Variants in TBC1D31 observed in about 807,000 individuals in gnomAD.
TBC1D31 encodes WD repeat domain 67.
Under a neutral mutation model 132.9 loss-of-function variants are expected in TBC1D31, and 99 were observed. The observed-to-expected ratio is 0.74, with a 90% confidence interval of 0.63 to 0.88. The LOEUF (loss-of-function observed/expected upper bound fraction) is 0.88. Ranked by LOEUF, TBC1D31 falls within the 40% of genes least tolerant of loss-of-function variation. The pLI, the probability that TBC1D31 is intolerant of heterozygous loss-of-function variation, is 0.00. For synonymous variants in TBC1D31, 385 were observed against 419.4 expected, an observed-to-expected ratio of 0.92 and a Z score of 1.00; for missense variants, 1,134 against 1,256.6, an observed-to-expected ratio of 0.90 and a Z score of 1.48.
chr8:123,136,113 C>T lies in TBC1D31; in HGVS notation c.2499+1907C>T, dbSNP rs569398765. ...ATATTTCCTAAGACTAAGGAATCCT[C>T]TTATATAACCACCGTACAGTTCTCA... On this transcript the variant is annotated intron_variant, in intron 17 of 21. Transcript: ENST00000287380. 9.9e-5 allele frequency among the ~76,000 whole-genome samples: 15 copies of T among 152,266 alleles called. No individual in the cohort carries two copies. The South Asian group carries it at 2.7e-3, about 27-fold the overall frequency.
chr8:123,099,061 C>A (rs1174717943), intron 6 of TBC1D31, among the ~76,000 whole-genome samples: 1 of 152,208 alleles, frequency 6.6e-6, no homozygotes, highest in Non-Finnish European at 1.5e-5. Flanking sequence ...TTAGACAAGG[C>A]AGCATGGGGG....
At chr8:123,110,181 A>T (rs755309249) in intron 10 of TBC1D31, among the ~76,000 whole-genome samples, 1 of 152,216 alleles carries the variant, frequency 6.6e-6, no homozygotes, top group African/African-American at 2.4e-5. Context: ...CCACTTAATG[A>T]TTGTGATGTA....
intron 11 of TBC1D31, chr8:123,123,109 G>A (rs1268430854): frequency 6.6e-6 from 1 of 152,180 alleles, no homozygotes; most frequent in African/African-American, 2.4e-5. Context: ...CTAAACACTG[G>A]CAAGGCAATT....
intron 8 of TBC1D31, among the ~76,000 whole-genome samples, chr8:123,107,444 C>T (rs564830345): frequency 5.7e-4 from 86 of 152,168 alleles, no homozygotes; most frequent in Non-Finnish European, 1.0e-3. Context: ...AGTTTTATAA[C>T]TTCTTCATGT....
chr8:123,157,317 T>A, the TBC1D31 span, among the ~76,000 whole-genome samples: 2 of 152,124 alleles, frequency 1.3e-5, no homozygotes, highest in Non-Finnish European at 2.9e-5. Context: ...AGTAAGGGTT[T>A]CCGGACGGAT....
At chr8:123,151,040 T>C (rs1033246800) in intron 21 of TBC1D31, among the ~76,000 whole-genome samples, 2 of 152,232 alleles carry the variant, frequency 1.3e-5, no homozygotes, top group Admixed American at 6.5e-5. Flanking sequence ...TATGCATCTA[T>C]AAATTCTGTG....
chr8:123,098,737 C>T (rs139137448), intron 6 of TBC1D31, among the ~76,000 whole-genome samples: 240 of 152,296 alleles, frequency 1.6e-3, no homozygotes, highest in African/African-American at 5.2e-3. Context: ...AAATAATGCT[C>T]ACTGAATGAC....
chr8:123,093,064 G>A (rs562798108), intron 4 of TBC1D31, among the ~76,000 whole-genome samples: 3 of 151,998 alleles, frequency 2.0e-5, no homozygotes, highest in Non-Finnish European at 4.4e-5. Context: ...CACCCGCCTT[G>A]GCCTCCCAAA....
chr8:123,163,261 C>G, the TBC1D31 span, among the ~76,000 whole-genome samples: 4 of 151,538 alleles, frequency 2.6e-5, no homozygotes, highest in Non-Finnish European at 2.9e-5. Flanking sequence ...AATTCACATA[C>G]CATATAATTC....
At chr8:123,161,159 C>T in the TBC1D31 span, among the ~76,000 whole-genome samples, 43 of 152,326 alleles carry the variant, frequency 2.8e-4, 1 homozygote, top group African/African-American at 1.0e-3. Flanking sequence ...TGCGCCGGGG[C>T]TCCCCGACCA....
intron 13 of TBC1D31, among the ~76,000 whole-genome samples, chr8:123,127,238 A>C (rs1371397761): frequency 6.9e-6 from 1 of 145,948 alleles, no homozygotes; most frequent in African/African-American, 2.6e-5. Context: ...AATCATGATA[A>C]TATTGGGGTT....
intron 8 of TBC1D31, 25 bp from the exon 9 acceptor site, chr8:123,109,292 A>G: frequency 1.3e-6 from 2 of 1,494,306 alleles, no homozygotes; most frequent in Non-Finnish European, 1.8e-6. Context: ...TGTGTCATTT[A>G]TTAATATTGT....
At position 123,109,579 on chromosome 8, in the gene TBC1D31, A is replaced by C. The variant is rs746947181; in HGVS notation, c.1395A>C (p.Lys465Asn). 6.2e-7 allele frequency: 1 copy of C among 1,613,920 alleles called. No homozygotes were observed. The highest frequency in any genetic ancestry group is 8.5e-7 in the Non-Finnish European group (1 of 1,179,948). Residue 465 changes from lysine to asparagine, a missense_variant, in exon 10 of 22, where the codon AAA becomes AAC. Coordinates refer to ENST00000287380, the MANE Select transcript of TBC1D31 (RefSeq NM_145647.4). ...THVAFLNLQK[K>N]YPIKSRKLLR... ...TGGCATTTCTCAACCTTCAGAAGAA[A>C]TACCCCATCAAAAGTAGGAAGCTAC...
chr8:123,132,119 C>G (rs1820685671), intron 16 of TBC1D31, among the ~76,000 whole-genome samples: 1 of 152,142 alleles, frequency 6.6e-6, no homozygotes, highest in Non-Finnish European at 1.5e-5. Context: ...GATCTCCTTC[C>G]TCGCTTTTTC....
At chr8:123,081,944 C>T (rs34298641) in intron 2 of TBC1D31, among the ~76,000 whole-genome samples, 8,806 of 152,204 alleles carry the variant, frequency 0.058, 280 homozygotes, top group Middle Eastern at 0.092. Context: ...AGAGCCAAAG[C>T]GTATCATATA....
chr8:123,160,697 TA>T, the TBC1D31 span, among the ~76,000 whole-genome samples: 3 of 152,090 alleles, frequency 2.0e-5, no homozygotes, highest in Non-Finnish European at 4.4e-5. Context: ...CACTAGCCGG[TA>T]CAGGGTACCA....
chr8:123,151,937 T>G lies in TBC1D31; in HGVS notation c.3199T>G (p.Ter1067GluextTer22), dbSNP rs1822817686. The change falls in exon 22 of 22, where the codon TAG (stop) becomes GAG (glutamate). Residue 1067 changes from the stop codon to glutamate, a stop_lost. Transcript: ENST00000287380. ...TCAAACCCCTCATCTTTTGGCTGCA[T>G]AGAATGCATGTCACCTTGAGACGGT... ...RCQTPHLLAA[*>E] 1 of 1,534,928 alleles carries G rather than the reference T, an allele frequency of 6.5e-7. No individual in the cohort carries two copies.
intron 17 of TBC1D31, among the ~76,000 whole-genome samples, chr8:123,135,582 G>A (rs1821015526): frequency 1.3e-5 from 2 of 152,120 alleles, no homozygotes; most frequent in Admixed American, 6.6e-5. Context: ...GTGACAGAGT[G>A]AGACCCTGTC....
chr8:123,146,074 T>C (rs762611048), intron 20 of TBC1D31, among the ~76,000 whole-genome samples: 2 of 152,180 alleles, frequency 1.3e-5, no homozygotes, highest in Admixed American at 6.5e-5. Flanking sequence ...TTCGCCATGT[T>C]GGCCATGCTG....
Sources: allele counts gnomAD v4.1 joint callset (sites outside exome capture counted in the v4.1 genomes callset), GRCh38; gene constraint gnomAD v4.1.1; transcripts MANE v1.5; gene names NCBI Gene and HGNC (gene_info 2026-07-23, HGNC 2026-07-21).